TNFRSF10A: variants seen among roughly 807,000 people sequenced by gnomAD.
TNFRSF10A encodes tumor necrosis factor receptor superfamily member 10A.
TNFRSF10A carries 44 observed loss-of-function variants against 42.8 expected under a neutral mutation model. The observed-to-expected ratio is 1.03, with a 90% CI of 0.81 to 1.32. The LOEUF (loss-of-function observed/expected upper bound fraction) is 1.32, where lower values mean the gene tolerates loss of function less well. Among genes scored for constraint, TNFRSF10A ranks in the 40% most tolerant of loss-of-function variants. TNFRSF10A has a pLI of 0.00. For missense variants in TNFRSF10A, 680 were observed against 602.0 expected (o/e 1.13, Z -1.36); for synonymous variants, 259 against 234.2 (o/e 1.11, Z -0.97).
chr8:23,200,740 T>C lies in TNFRSF10A; in HGVS notation c.650A>G (p.Lys217Arg), dbSNP rs756047313. Residue 217 changes from lysine to arginine, a missense_variant, in exon 5 of 10, where the codon AAG becomes AGG. Lys to Arg is a conservative substitution (Grantham distance 26). Transcript: ENST00000221132. ...ACTCCAGGGCGTACAATCCTTGACCTTGACCATCCCTCTGGGGCACCTGGG... is the reference window on the plus strand; with the variant it reads ...ACTCCAGGGCGTACAATCCTTGACCCTGACCATCCCTCTGGGGCACCTGGG... ...CSRGCPRGMV[K>R]VKDCTPWSDI... 1 of 1,612,884 alleles carries C rather than the reference T, an allele frequency of 6.2e-7. No individual in the cohort carries two copies. Among genetic ancestry groups the C allele is most frequent in the South Asian group, 1.1e-5 (1 of 91,068 alleles).
At position 23,220,147 on chromosome 8, in the gene TNFRSF10A, C is replaced by T. The variant is rs73554425; in HGVS notation, c.306+4609G>A. Among the ~76,000 whole-genome samples the T allele has an allele frequency of 8.7e-3, 1,318 of 152,296 alleles. 23 individuals carry two copies. Among genetic ancestry groups the T allele is most frequent in the African/African-American group, 0.03 (1,266 of 41,544 alleles). Reference sequence around the variant, plus strand: ...TATCACAGATACCTGCCTGGGAATCCGGAAGAGGCCCTTCCCAGTCCAACA... The same window carrying T: ...TATCACAGATACCTGCCTGGGAATCTGGAAGAGGCCCTTCCCAGTCCAACA... On this transcript the variant is annotated intron_variant, in intron 1 of 9. Coordinates refer to ENST00000221132, the MANE Select transcript of TNFRSF10A (RefSeq NM_003844.4).
chr8:23,198,427 C>T (rs1048037608), intron 8 of TNFRSF10A, among the ~76,000 whole-genome samples: 1 of 152,038 alleles, frequency 6.6e-6, no homozygotes, highest in Non-Finnish European at 1.5e-5. Flanking sequence ...AAAGCTTCTA[C>T]ACCTGAAAAT....
At chr8:23,213,206 T>A (rs537678220) in intron 1 of TNFRSF10A, among the ~76,000 whole-genome samples, 1 of 152,190 alleles carries the variant, frequency 6.6e-6, no homozygotes, top group South Asian at 2.1e-4. Flanking sequence ...TTTTTTATAA[T>A]CCTTTGGATT....
chr8:23,192,220 G>A (rs908765434), intron 9 of TNFRSF10A, among the ~76,000 whole-genome samples: 4 of 152,182 alleles, frequency 2.6e-5, no homozygotes, highest in East Asian at 1.9e-4. Flanking sequence ...AGGCGCTGAC[G>A]GGCGTCAAGG....
chr8:23,205,192 C>T (rs1800986929), intron 2 of TNFRSF10A, among the ~76,000 whole-genome samples: 1 of 151,938 alleles, frequency 6.6e-6, no homozygotes, highest in African/African-American at 2.4e-5. Context: ...AAAATTAGCA[C>T]AGGGAAAAAA....
intron 1 of TNFRSF10A, among the ~76,000 whole-genome samples, chr8:23,213,266 TTTAAG>T (rs1174102525): frequency 6.6e-6 from 1 of 152,040 alleles, no homozygotes; most frequent in East Asian, 1.9e-4. Flanking sequence ...GTTTTGGTTA[TTTAAG>T]TTTTCTGTCT....
chr8:23,216,786 C>T (rs963082005), intron 1 of TNFRSF10A, among the ~76,000 whole-genome samples: 10 of 151,940 alleles, frequency 6.6e-5, no homozygotes, highest in Non-Finnish European at 1.2e-4. Flanking sequence ...TGATTTCATT[C>T]GTGAACTATG....
At chr8:23,209,563 G>A (rs1801064778) in intron 2 of TNFRSF10A, among the ~76,000 whole-genome samples, 1 of 152,224 alleles carries the variant, frequency 6.6e-6, no homozygotes, top group African/African-American at 2.4e-5. Context: ...GTGTGACCTG[G>A]ATGTAAGACA....
chr8:23,217,807 G>A (rs1335636332), intron 1 of TNFRSF10A, among the ~76,000 whole-genome samples: 3 of 152,166 alleles, frequency 2.0e-5, no homozygotes, highest in Non-Finnish European at 2.9e-5. Context: ...AAAAAGGCAC[G>A]ACCCTCCCTT....
intron 1 of TNFRSF10A, among the ~76,000 whole-genome samples, chr8:23,216,721 G>T (rs574576706): frequency 2.0e-5 from 3 of 149,194 alleles, no homozygotes; most frequent in African/African-American, 7.4e-5. Flanking sequence ...CAGCCTAGGC[G>T]ACAGAGCAAG....
At chr8:23,193,536 T>C (rs1800782586) in intron 9 of TNFRSF10A, among the ~76,000 whole-genome samples, 1 of 152,246 alleles carries the variant, frequency 6.6e-6, no homozygotes, top group South Asian at 2.1e-4. Flanking sequence ...GGAAGCACTC[T>C]GCCTTTCAGT....
rs1312627574 is a variant in TNFRSF10A at position 23,224,849 on chromosome 8, C to T, written c.213G>A (p.Gly71=). 6.4e-7 allele frequency: 1 copy of T among 1,567,198 alleles called. No homozygotes were observed. The highest frequency in any genetic ancestry group is 1.9e-5 in the Admixed American group (1 of 52,950). ...QHGPSARARA[G]RAPGPRPARE... ...GCGCCGGCCTGGGTCCTGGGGCGCG[C>T]CCTGCCCGGGCCCGGGCACTGGGTC... The change falls in exon 1 of 10, where the codon GGG becomes GGA. Residue 71 remains glycine, a synonymous_variant. Coordinates refer to ENST00000221132, the MANE Select transcript of TNFRSF10A (RefSeq NM_003844.4).
chr8:23,197,390 C>T, intron 8 of TNFRSF10A, 186 bp from the exon 9 acceptor site: 1 of 636,448 alleles, frequency 1.6e-6, no homozygotes, highest in Non-Finnish European at 2.8e-6. Context: ...GCATTACCAC[C>T]TCAGCTCCAC....
intron 9 of TNFRSF10A, among the ~76,000 whole-genome samples, chr8:23,193,072 A>C (rs1456915531): frequency 6.6e-6 from 1 of 152,224 alleles, no homozygotes; most frequent in African/African-American, 2.4e-5. Flanking sequence ...TCAGGGAGAT[A>C]CAGTTGAGAC....
chr8:23,201,304 T>G (rs920640368), intron 4 of TNFRSF10A, among the ~76,000 whole-genome samples: 1 of 152,180 alleles, frequency 6.6e-6, no homozygotes, highest in African/African-American at 2.4e-5. Flanking sequence ...GCTCAGGTCC[T>G]CATGGGAACT....
Position 23,224,910 on chromosome 8 carries a change from C to T in TNFRSF10A, c.152G>A (p.Gly51Asp). The part of the protein sequence containing the change: ...SAGRIEPRGG[G>D]RGALPTSMGQ... ...CATGGAGGTAGGGAGCGCTCCTCGG[C>T]CCCCGCCTCGTGGTTCAATCCTCCC... The change falls in exon 1 of 10, where the codon GGC becomes GAC. Residue 51 changes from glycine to aspartate, a missense_variant. Coordinates refer to ENST00000221132, the MANE Select transcript of TNFRSF10A (RefSeq NM_003844.4). 1.3e-6 allele frequency: 2 copies of T among 1,596,400 alleles called. No homozygotes were observed. The highest frequency in any genetic ancestry group is 1.1e-5 in the South Asian group (1 of 88,540).
At position 23,224,802 on chromosome 8, in the gene TNFRSF10A, C is replaced by T. The variant is rs1013888975; in HGVS notation, c.260G>A (p.Arg87Gln). 1.9e-6 allele frequency: 3 copies of T among 1,567,810 alleles called. No homozygotes were observed. The highest frequency in any genetic ancestry group is 1.9e-5 in the Admixed American group (1 of 52,564). The change falls in exon 1 of 10, where the codon CGG (arginine) becomes CAG (glutamine). Residue 87 changes from arginine to glutamine, a missense_variant. Physicochemically the swap from Arg to Gln is conservative, Grantham distance 43. Transcript: ENST00000221132. ...RPAREASPRL[R>Q]VHKTFKFVVV... ...GACAAACTTGAAGGTCTTGTGGACC[C>T]GGAGCCGAGGGCTGGCTTCCCGCGC... is the stretch of plus-strand genomic sequence containing the variant.
chr8:23,194,907 C>T (rs1023290180), intron 9 of TNFRSF10A, among the ~76,000 whole-genome samples: 24 of 152,194 alleles, frequency 1.6e-4, no homozygotes, highest in African/African-American at 5.8e-4. Flanking sequence ...AATCCCAGCA[C>T]TTTGGGAGGC....
intron 7 of TNFRSF10A, 133 bp downstream of exon 7, chr8:23,199,753 C>T (rs1313629086): frequency 3.0e-5 from 38 of 1,266,732 alleles, no homozygotes; most frequent in Non-Finnish European, 3.8e-5. Flanking sequence ...ATAGTCAATG[C>T]ACAGCATCCA....
Sources: allele counts gnomAD v4.1 joint callset (sites outside exome capture counted in the v4.1 genomes callset), GRCh38; gene constraint gnomAD v4.1.1; transcripts MANE v1.5; gene names NCBI Gene and HGNC (gene_info 2026-07-23, HGNC 2026-07-21).